The following AASS variants were observed in gnomAD, a reference collection of about 807,000 sequenced individuals.
AASS encodes aminoadipate-semialdehyde synthase.
Under a neutral mutation model 105.4 loss-of-function variants are expected in AASS, and 86 were observed. That is an observed-to-expected ratio of 0.82 (90% CI 0.69 to 0.98). The LOEUF (loss-of-function observed/expected upper bound fraction) is 0.98, where lower values mean the gene tolerates loss of function less well. AASS is among the 50% of genes least tolerant of loss of function. The pLI is 0.00. For missense variants in AASS, 1,048 were observed against 1,143.2 expected, an observed-to-expected ratio of 0.92 and a Z score of 1.20; for synonymous variants, 381 against 394.8, an observed-to-expected ratio of 0.96 and a Z score of 0.41.
In AASS at chr7:122,076,212, A is replaced by C; in HGVS notation, c.*277T>G. ...AACAAAAAAAAAACAAAAGAAAAAA[A>C]GTGGCACAATAAATTAACAAATAGC... On this transcript the variant is annotated 3_prime_UTR_variant, in exon 24 of 24. Coordinates refer to ENST00000417368, the MANE Select transcript of AASS (RefSeq NM_005763.4). 1 of 357,454 alleles carries C rather than the reference A, an allele frequency of 2.8e-6. No homozygotes were observed. Among genetic ancestry groups the C allele is most frequent in the East Asian group, 6.0e-5 (1 of 16,550 alleles). 22.1% of individuals were successfully genotyped at this position (357,454 alleles called of 1,614,324 possible). A position where few individuals can be genotyped will look rare whatever the true frequency, so the allele number is the denominator to read the frequency against.
chr7:122,120,488 A>G (rs562780569), intron 4 of AASS, among the ~76,000 whole-genome samples: 18 of 151,820 alleles, frequency 1.2e-4, no homozygotes, highest in Admixed American at 2.0e-4. Context: ...AATTTTATTG[A>G]TATTTTTCAG....
At chr7:122,123,220 T>G (rs1795513503) in intron 4 of AASS, among the ~76,000 whole-genome samples, 1 of 152,228 alleles carries the variant, frequency 6.6e-6, no homozygotes, top group Non-Finnish European at 1.5e-5. Context: ...CACTGTTTGG[T>G]ACTATGTGTT....
chr7:122,076,643 G>T, intron 23 of AASS, 36 bp from the exon 24 acceptor site: 1 of 1,445,692 alleles, frequency 6.9e-7, no homozygotes, highest in Non-Finnish European at 9.7e-7. Context: ...CCATTTCAAA[G>T]GTTGTGTCAG....
chr7:122,101,667 G>A lies in AASS; in HGVS notation c.1292C>T (p.Ala431Val), dbSNP rs548503194. 4.2e-5 allele frequency: 68 copies of A among 1,610,944 alleles called. No homozygotes were observed. The highest frequency in any genetic ancestry group is 1.9e-4 in the African/African-American group (14 of 74,884). Reference protein sequence around the residue: ...PYVEEMILSDATQPLESQNFS... With the variant: ...PYVEEMILSDVTQPLESQNFS... ...ATTCTGACTTTCAAGAGGCTGTGTC[G>A]CGTCTGATAATATCTGAAAGGAAAA... Residue 431 changes from alanine (A) to valine (V), a missense_variant, in exon 12 of 24, where the codon GCG (alanine) becomes GTG (valine). Ala to Val is a moderately conservative substitution (Grantham distance 64, BLOSUM62 0). Coordinates refer to ENST00000417368, the MANE Select transcript of AASS (RefSeq NM_005763.4).
intron 3 of AASS, among the ~76,000 whole-genome samples, chr7:122,127,783 T>TA (rs1795723417): frequency 6.6e-6 from 1 of 152,264 alleles, no homozygotes; most frequent in Admixed American, 6.5e-5. Context: ...AGACTTCTTT[T>TA]TCTATACTCC....
In AASS at chr7:122,076,458, TG is replaced by T. The variant is rs1328324336; in HGVS notation, c.*30del. The T allele has an allele frequency of 1.4e-6, 2 of 1,465,900 alleles. No individual in the cohort carries two copies. Among genetic ancestry groups the T allele is most frequent in the Non-Finnish European group, 1.9e-6 (2 of 1,045,292 alleles). 90.8% of individuals were successfully genotyped at this position (1,465,900 alleles called of 1,614,324 possible). A position where few individuals can be genotyped will look rare whatever the true frequency, so the allele number is the denominator to read the frequency against. Reference sequence around the variant, plus strand: ...CACACATGTTCAGAGGTGTATTGCCTGGGAAGAAAAAAACAAAATATAATTC... The same window carrying T: ...CACACATGTTCAGAGGTGTATTGCCTGGAAGAAAAAAACAAAATATAATTC... On this transcript the variant is annotated 3_prime_UTR_variant, in exon 24 of 24. Transcript: ENST00000417368.
intron 1 of AASS, among the ~76,000 whole-genome samples, chr7:122,140,934 T>C (rs1016195632): frequency 6.6e-6 from 1 of 151,762 alleles, no homozygotes; most frequent in African/African-American, 2.4e-5. Flanking sequence ...CAAGAAGCAC[T>C]GGTGTCTGTA....
In AASS at chr7:122,081,604, A is replaced by C; in HGVS notation, c.2185-9T>G. ...AAAGCTTTCATATATCCCTGAAACA[A>C]GAATTAATAAGCAGTATATAAAATT... On this transcript the variant is annotated splice_polypyrimidine_tract_variant and intron_variant, in intron 19 of 23. Coordinates refer to ENST00000417368, the MANE Select transcript of AASS (RefSeq NM_005763.4). The C allele has an allele frequency of 1.3e-6, 2 of 1,579,854 alleles. No individual in the cohort carries two copies. The highest frequency in any genetic ancestry group is 1.7e-6 in the Non-Finnish European group (2 of 1,148,890).
In AASS at chr7:122,103,332, C is replaced by A. The variant is rs1428002888; in HGVS notation, c.1279-1652G>T. The stretch of plus-strand genomic sequence containing the variant: ...TATTCAAAGTGCTGATGCACAGAAA[C>A]CTGCCAGCCAAAAATACTATACACA... On this transcript the variant is annotated intron_variant, in intron 11 of 23. Coordinates refer to ENST00000417368, the MANE Select transcript of AASS (RefSeq NM_005763.4). Among the ~76,000 whole-genome samples the A allele has an allele frequency of 3.3e-5, 5 of 151,930 alleles. No individual in the cohort carries two copies. The East Asian group carries it at 7.7e-4, about 23-fold the overall frequency.
At chr7:122,100,195 T>A (rs1303714929) in intron 13 of AASS, among the ~76,000 whole-genome samples, 1 of 151,874 alleles carries the variant, frequency 6.6e-6, no homozygotes, top group Non-Finnish European at 1.5e-5. Flanking sequence ...GTTCTAGCAA[T>A]CGGAGCCAAG....
Position 122,113,591 on chromosome 7 carries a change from A to T in AASS, c.1166+7T>A. 6.2e-7 allele frequency: 1 copy of T among 1,613,380 alleles called. No individual in the cohort carries two copies. The highest frequency in any genetic ancestry group is 1.1e-5 in the South Asian group (1 of 91,072). ...GGAATATCATCTAACAACTTTAGCA[A>T]ACTCACCTGTCATGAATAATATGCT... On this transcript the variant is annotated splice_region_variant and intron_variant, in intron 10 of 23. Transcript: ENST00000417368.
At chr7:122,079,040 G>C (rs1218155304) in intron 21 of AASS, 90 bp from the exon 22 acceptor site, 4 of 1,606,688 alleles carry the variant, frequency 2.5e-6, no homozygotes, top group Non-Finnish European at 3.4e-6. Context: ...ATTTAATCTT[G>C]AAAGGGCAGA....
chr7:122,117,486 T>C (rs1795236084), intron 6 of AASS, among the ~76,000 whole-genome samples: 1 of 152,084 alleles, frequency 6.6e-6, no homozygotes, highest in African/African-American at 2.4e-5. Flanking sequence ...CTTCCTAACA[T>C]CTTGTTTGCA....
At chr7:122,126,484 A>C (rs761716139) in intron 3 of AASS, 25 bp from the exon 4 acceptor site, 2 of 1,585,168 alleles carry the variant, frequency 1.3e-6, no homozygotes, top group Admixed American at 3.3e-5. Context: ...AAAAAATTTC[A>C]ACTGGACCCA....
At chr7:122,088,731 A>C (rs1392688914) in intron 18 of AASS, among the ~76,000 whole-genome samples, 1 of 152,090 alleles carries the variant, frequency 6.6e-6, no homozygotes, top group Non-Finnish European at 1.5e-5. Flanking sequence ...CGATGTTTGC[A>C]GAGCAAGCAC....
Position 122,093,079 on chromosome 7 carries a change from T to A in AASS, c.1735A>T (p.Ile579Phe), listed in dbSNP as rs202057188. 240 of 1,614,054 alleles carry A rather than the reference T, an allele frequency of 1.5e-4. 1 individual carries two copies. The East Asian group carries it at 4.7e-3, about 32-fold the overall frequency. ...TCCAATTCTTTTAGTGCTGGTGTGA[T>A]GTAGCTTGCAGTGACCATGTTAACT... ...NKVNMVTASY[I>F]TPALKELEKS... The change falls in exon 16 of 24, where the codon ATC becomes TTC. Residue 579 changes from isoleucine (I) to phenylalanine (F), a missense_variant. Coordinates refer to ENST00000417368, the MANE Select transcript of AASS (RefSeq NM_005763.4).
Position 122,079,602 on chromosome 7 carries a change from A to C in AASS, c.2391T>G (p.Ala797=), listed in dbSNP as rs766718459. The C allele has an allele frequency of 1.2e-6, 2 of 1,608,796 alleles. No homozygotes were observed. The highest frequency in any genetic ancestry group is 1.1e-5 in the South Asian group (1 of 90,986). ...GTTGAGTGGTGGGTGCCTACCATTC[A>C]GCAGCCTCCAACTGGGTATTGTCTC... ...LGGDNTQLEA[A]EWLGLLGDEQ... Residue 797 remains alanine (A), a synonymous_variant, in exon 21 of 24, where the codon GCT becomes GCG. Transcript: ENST00000417368.
intron 2 of AASS, among the ~76,000 whole-genome samples, chr7:122,129,930 A>G (rs963795616): frequency 6.6e-6 from 1 of 152,132 alleles, no homozygotes; most frequent in African/African-American, 2.4e-5. Flanking sequence ...ACATAATTAT[A>G]CATTTATTTT....
chr7:122,107,703 A>T (rs1794729896), intron 11 of AASS, among the ~76,000 whole-genome samples: 1 of 152,126 alleles, frequency 6.6e-6, no homozygotes, highest in Non-Finnish European at 1.5e-5. Context: ...AATGATGAGG[A>T]CACATAGACA....
Sources: allele counts gnomAD v4.1 joint callset (sites outside exome capture counted in the v4.1 genomes callset), GRCh38; gene constraint gnomAD v4.1.1; transcripts MANE v1.5; gene names NCBI Gene and HGNC (gene_info 2026-07-23, HGNC 2026-07-21).